The following ABCA1 variants were observed in gnomAD, a reference collection of about 807,000 sequenced individuals.
The protein encoded by ABCA1 is ATP binding cassette subfamily A member 1, also known as phospholipid-transporting ATPase ABCA1.
In ABCA1, 133 loss-of-function variants were observed where a neutral mutation model predicts 262.5. The observed-to-expected ratio is 0.51, with a 90% CI of 0.44 to 0.59. The LOEUF is 0.59. Among genes scored for constraint, ABCA1 ranks in the 20% least tolerant of loss-of-function variants. The pLI is 0.00. For missense variants in ABCA1, 2,452 were observed against 2,777.5 expected (o/e 0.88, Z 2.63); for synonymous variants, 1,022 against 1,043.5 (o/e 0.98, Z 0.40).
chr9:104,790,208 C>G (rs1241645788), intron 44 of ABCA1, among the ~76,000 whole-genome samples: 4 of 152,024 alleles, frequency 2.6e-5, no homozygotes, highest in African/African-American at 4.8e-5. Context: ...GCTTTGTGAC[C>G]TGTGCAGTCT....
chr9:104,862,666 G>C (rs1360231136), intron 5 of ABCA1, among the ~76,000 whole-genome samples: 317 of 1,770 alleles, frequency 0.18, 84 homozygotes, highest in African/African-American at 0.42. Context: ...GGCCGGGCCG[G>C]GCCGGGCCGG....
chr9:104,786,771 T>G, intron 47 of ABCA1, 102 bp downstream of exon 47: 1 of 1,102,030 alleles, frequency 9.1e-7, no homozygotes, highest in Non-Finnish European at 1.4e-6. Flanking sequence ...ATTGTTTTAC[T>G]CTTTGCTTTT....
chr9:104,914,877 T>C (rs779119842), intron 1 of ABCA1, among the ~76,000 whole-genome samples: 5 of 152,146 alleles, frequency 3.3e-5, no homozygotes, highest in Admixed American at 1.3e-4. Flanking sequence ...CCTCAAAGCC[T>C]CTCTAATTTG....
chr9:104,819,428 C>G (rs897160051), intron 22 of ABCA1, among the ~76,000 whole-genome samples, 158 bp downstream of exon 22: 5 of 152,230 alleles, frequency 3.3e-5, no homozygotes, highest in African/African-American at 9.6e-5. Flanking sequence ...AGCATCTCCT[C>G]TCAGGAATCT....
At chr9:104,865,869 A>G (rs1280595672) in intron 5 of ABCA1, among the ~76,000 whole-genome samples, 1 of 152,226 alleles carries the variant, frequency 6.6e-6, no homozygotes, top group East Asian at 1.9e-4. Flanking sequence ...AGATGGGGAC[A>G]CAGTCCCTGC....
chr9:104,858,768 G>A, intron 6 of ABCA1, 70 bp from the exon 7 acceptor site: 1 of 1,507,260 alleles, frequency 6.6e-7, no homozygotes, highest in Non-Finnish European at 9.2e-7. Flanking sequence ...GGTCCTTGAA[G>A]TCTTTTGGAG....
chr9:104,896,323 G>A lies in ABCA1; in HGVS notation c.67-7128C>T, dbSNP rs542922289. On this transcript the variant is annotated intron_variant, in intron 2 of 49. Transcript: ENST00000374736. Reference sequence around the variant, plus strand: ...CCTAGGCATTAACTTAGCCAAACATGTGCTTCTTACATAAAAGAAAACCAC... The same window carrying A: ...CCTAGGCATTAACTTAGCCAAACATATGCTTCTTACATAAAAGAAAACCAC... Among the ~76,000 whole-genome samples, 12 of 152,290 alleles carry A rather than the reference G, an allele frequency of 7.9e-5. No individual in the cohort carries two copies. The South Asian group carries it at 2.5e-3, about 32-fold the overall frequency.
At chr9:104,844,232 C>T (rs748012739) in intron 8 of ABCA1, among the ~76,000 whole-genome samples, 19 of 151,990 alleles carry the variant, frequency 1.3e-4, no homozygotes, top group South Asian at 6.2e-4. Flanking sequence ...GAAATAGCTA[C>T]GGACTTGCAA....
intron 37 of ABCA1, among the ~76,000 whole-genome samples, chr9:104,797,574 C>CG (rs4149349): frequency 0.5 from 75,973 of 152,052 alleles, 23,643 homozygotes; most frequent in Non-Finnish European, 0.68. Context: ...CTTTTGAAAA[C>CG]GGACATTCAC....
chr9:104,881,782 T>A (rs1838676878), intron 5 of ABCA1, among the ~76,000 whole-genome samples: 2 of 152,200 alleles, frequency 1.3e-5, no homozygotes, highest in South Asian at 4.1e-4. Context: ...TTCTGTCTCC[T>A]GCACCAGAAG....
rs759851687 is a variant in ABCA1 at position 104,845,497 on chromosome 9, G to C, written c.793C>G (p.Leu265Val). Residue 265 changes from leucine (L) to valine (V), a missense_variant, in exon 8 of 50, where the codon CTT becomes GTT. Physicochemically the swap from Leu to Val is conservative, Grantham distance 32. Transcript: ENST00000374736. ...CTTACCTCCTGGGCCAGAGTCCCAA[G>C]ACTATGCAGCAATGTTTTTGTGGCT... ...AEATKTLLHS[L>V]GTLAQELFSM... The C allele has an allele frequency of 5.6e-6, 9 of 1,613,800 alleles. No homozygotes were observed. In the East Asian group the frequency reaches 2.0e-4, roughly 36 times the overall value.
intron 5 of ABCA1, among the ~76,000 whole-genome samples, chr9:104,865,965 G>C (rs1588449805): frequency 6.6e-6 from 1 of 152,264 alleles, no homozygotes; most frequent in South Asian, 2.1e-4. Context: ...AAGCCAAAAG[G>C]AGACAGTAAA....
intron 1 of ABCA1, among the ~76,000 whole-genome samples, chr9:104,925,214 TG>T (rs1341408353): frequency 4.6e-5 from 7 of 152,060 alleles, no homozygotes; most frequent in African/African-American, 1.4e-4. Context: ...CTGTCTCTAC[TG>T]AAAATGCAAA....
chr9:104,807,269 C>T (rs972930635), intron 30 of ABCA1, among the ~76,000 whole-genome samples: 2 of 152,132 alleles, frequency 1.3e-5, no homozygotes, highest in Non-Finnish European at 1.5e-5. Flanking sequence ...GGTGAGAATG[C>T]TCGTCACATA....
intron 8 of ABCA1, among the ~76,000 whole-genome samples, chr9:104,845,117 A>T (rs1834745208): frequency 6.6e-6 from 1 of 152,220 alleles, no homozygotes. Flanking sequence ...GCTACTGAAG[A>T]AGCAATATGG....
chr9:104,857,481 C>T (rs1172744009), intron 7 of ABCA1, among the ~76,000 whole-genome samples: 5 of 152,142 alleles, frequency 3.3e-5, no homozygotes, highest in African/African-American at 1.2e-4. Flanking sequence ...ATCTGCCCGC[C>T]GTGGCATCCG....
At chr9:104,826,120 T>C (rs944164774) in intron 16 of ABCA1, among the ~76,000 whole-genome samples, 24 of 152,200 alleles carry the variant, frequency 1.6e-4, no homozygotes, top group Non-Finnish European at 3.1e-4. Flanking sequence ...CAGAAATGCA[T>C]ATACAGTGAA....
chr9:104,832,879 C>T, intron 11 of ABCA1, 108 bp from the exon 12 acceptor site: 1 of 1,021,002 alleles, frequency 9.8e-7, no homozygotes, highest in Non-Finnish European at 1.5e-6. Flanking sequence ...TTTATCCTCA[C>T]AGAAAACTGA....
chr9:104,919,611 C>CA (rs11394015), intron 1 of ABCA1, among the ~76,000 whole-genome samples: 21,443 of 145,396 alleles, frequency 0.15, 2,274 homozygotes, highest in African/African-American at 0.31. Flanking sequence ...GACTCCATCT[C>CA]AAAAAAAAAA....
Sources: allele counts gnomAD v4.1 joint callset (sites outside exome capture counted in the v4.1 genomes callset), GRCh38; gene constraint gnomAD v4.1.1; transcripts MANE v1.5; gene names NCBI Gene and HGNC (gene_info 2026-07-23, HGNC 2026-07-21).